The following ERBB3 variants were observed in gnomAD, a reference collection of about 807,000 sequenced individuals.
The protein encoded by ERBB3 is erb-b2 receptor tyrosine kinase 3.
Under a neutral mutation model 156.7 loss-of-function variants are expected in ERBB3, and 96 were observed. That is an observed-to-expected ratio of 0.61 (90% CI 0.52 to 0.73). ERBB3 has a LOEUF of 0.73. Among genes scored for constraint, ERBB3 ranks in the 30% least tolerant of loss-of-function variants. The pLI is 0.00. For missense variants in ERBB3, 1,406 were observed against 1,709.4 expected, an observed-to-expected ratio of 0.82 and a Z score of 3.13; for synonymous variants, 567 against 632.0, an observed-to-expected ratio of 0.90 and a Z score of 1.54.
chr12:56,096,378 C>A, intron 17 of ERBB3, 125 bp from the exon 18 acceptor site: 2 of 1,177,594 alleles, frequency 1.7e-6, no homozygotes, highest in Non-Finnish European at 2.5e-6. Context: ...CATTCCAGGA[C>A]TAACGGTGCT....
chr12:56,100,997 A>T, intron 26 of ERBB3, 64 bp from the exon 27 acceptor site: 28 of 1,105,642 alleles, frequency 2.5e-5, no homozygotes, highest in Non-Finnish European at 3.6e-5. Flanking sequence ...TTCTAAACAA[A>T]TCTCTCTTCT....
At position 56,083,827 on chromosome 12, in the gene ERBB3, C is replaced by T. The variant is rs992281120; in HGVS notation, c.159C>T (p.Tyr53=). The T allele has an allele frequency of 9.9e-6, 16 of 1,613,912 alleles. No individual in the cohort carries two copies. Among genetic ancestry groups the T allele is most frequent in the African/African-American group, 1.3e-5 (1 of 74,882 alleles). The change falls in exon 2 of 28, where the codon TAC becomes TAT. Residue 53 remains tyrosine, a synonymous_variant. Transcript: ENST00000267101. The part of the protein sequence containing the change: ...ENQYQTLYKL[Y]ERCEVVMGNL... Reference sequence around the variant, plus strand: ...AATACCAGACACTGTACAAGCTCTACGAGAGGTGTGAGGTGGTGATGGGGA... The same window carrying T: ...AATACCAGACACTGTACAAGCTCTATGAGAGGTGTGAGGTGGTGATGGGGA...
rs1389860565 is a variant in ERBB3 at position 56,100,197 on chromosome 12, A to G, written c.3153A>G (p.Ser1051=). 4 of 1,613,988 alleles carry G rather than the reference A, an allele frequency of 2.5e-6. No individual in the cohort carries two copies. Among genetic ancestry groups the G allele is most frequent in the Non-Finnish European group, 3.4e-6 (4 of 1,179,980 alleles). ...AGAGCCAGAGCCTTTTAAGTCCATCATCTGGATACATGCCCATGAACCAGG... is the reference window on the plus strand; with the variant it reads ...AGAGCCAGAGCCTTTTAAGTCCATCGTCTGGATACATGCCCATGAACCAGG... ...PRGSQSLLSP[S]SGYMPMNQGN... The change falls in exon 26 of 28, where the codon TCA becomes TCG. Residue 1051 remains serine, a synonymous_variant. Transcript: ENST00000267101.
At chr12:56,086,244 G>A in intron 3 of ERBB3, among the ~76,000 whole-genome samples, 1 of 152,062 alleles carries the variant, frequency 6.6e-6, no homozygotes, top group Non-Finnish European at 1.5e-5. Context: ...CATATGGGCA[G>A]GGCTTGGGGG....
chr12:56,101,230 C>T lies in ERBB3; in HGVS notation c.3371C>T (p.Pro1124Leu). The T allele has an allele frequency of 1.2e-6, 2 of 1,613,888 alleles. No individual in the cohort carries two copies. Among genetic ancestry groups the T allele is most frequent in the Non-Finnish European group, 1.7e-6 (2 of 1,179,940 alleles). ...MCRSRSRSRS[P>L]RPRGDSAYHS... ...AGGAGCCGGAGCAGGAGCCGGAGCC[C>T]ACGGCCACGCGGAGATAGCGCCTAC... The change falls in exon 27 of 28, where the codon CCA becomes CTA. Residue 1124 changes from proline (P) to leucine (L), a missense_variant. Transcript: ENST00000267101.
rs1869147684 is a variant in ERBB3, at chr12:56,102,508, CAG to C, written c.*455_*456del. ...TATGACTCTTAACCCCCTAGAAAGACAGAAGCTTAAAATCTGTGAAGAAAGAG... is the reference window on the plus strand; with the variant it reads ...TATGACTCTTAACCCCCTAGAAAGACAAGCTTAAAATCTGTGAAGAAAGAG... On this transcript the variant is annotated 3_prime_UTR_variant, in exon 28 of 28. Coordinates refer to ENST00000267101, the MANE Select transcript of ERBB3 (RefSeq NM_001982.4). 8.2e-6 allele frequency: 2 copies of C among 244,880 alleles called. No homozygotes were observed. Among genetic ancestry groups the C allele is most frequent in the South Asian group, 1.4e-4 (1 of 7,114 alleles). The allele number at this position is 244,880 out of a possible 1,614,324, so 15.2% of individuals were successfully genotyped here.
intron 9 of ERBB3, among the ~76,000 whole-genome samples, chr12:56,091,509 G>A (rs1295245723): frequency 6.7e-6 from 1 of 148,658 alleles, no homozygotes; most frequent in Non-Finnish European, 1.5e-5. Context: ...TCAGGTTCAA[G>A]CCATTCTCTA....
intron 9 of ERBB3, chr12:56,089,110 C>T (rs1464899190): frequency 1.6e-6 from 1 of 610,534 alleles, no homozygotes; most frequent in Non-Finnish European, 3.1e-6. Flanking sequence ...AACAACATAT[C>T]CTCCTTCTTA....
chr12:56,087,478 C>G, intron 4 of ERBB3, 99 bp from the exon 5 acceptor site: 1 of 1,054,160 alleles, frequency 9.5e-7, no homozygotes, highest in Non-Finnish European at 1.5e-6. Flanking sequence ...TTTTGCTTCC[C>G]GGGATTGAGG....
chr12:56,094,818 G>A (rs1868838413), intron 15 of ERBB3, among the ~76,000 whole-genome samples: 1 of 152,316 alleles, frequency 6.6e-6, no homozygotes, highest in South Asian at 2.1e-4. Context: ...CGGCGTGGTG[G>A]CGCATGCCTG....
intron 16 of ERBB3, 70 bp downstream of exon 16, chr12:56,095,380 A>G: frequency 7.7e-7 from 1 of 1,292,286 alleles, no homozygotes; most frequent in Non-Finnish European, 1.1e-6. Context: ...TTACCTGGAG[A>G]GAAGAGGGAG....
chr12:56,100,989 C>G, intron 26 of ERBB3, 72 bp from the exon 27 acceptor site: 1 of 849,894 alleles, frequency 1.2e-6, no homozygotes, highest in Non-Finnish European at 1.8e-6. Context: ...CAATATCCTT[C>G]TAAACAAATC....
Position 56,099,705 on chromosome 12 carries a change from C to T in ERBB3, c.2897C>T (p.Thr966Ile), listed in dbSNP as rs1361652886. The T allele has an allele frequency of 6.2e-7, 1 of 1,613,996 alleles. No individual in the cohort carries two copies. Among genetic ancestry groups the T allele is most frequent in the Non-Finnish European group, 8.5e-7 (1 of 1,180,020 alleles). ...TTTAAAGAACTAGCCAATGAGTTCA[C>T]CAGGATGGCCCGAGACCCACCACGG... is the stretch of plus-strand genomic sequence containing the variant. ...PTFKELANEF[T>I]RMARDPPRYL... The change falls in exon 24 of 28, where the codon ACC (threonine) becomes ATC (isoleucine). Residue 966 changes from threonine (T) to isoleucine (I), a missense_variant. Coordinates refer to ENST00000267101, the MANE Select transcript of ERBB3 (RefSeq NM_001982.4).
chr12:56,093,616 T>C (rs1454377674), intron 12 of ERBB3, 66 bp downstream of exon 12: 1 of 1,568,164 alleles, frequency 6.4e-7, no homozygotes, highest in African/African-American at 1.4e-5. Context: ...GAAAGGACTA[T>C]TCTGCCCTAG....
In ERBB3 at chr12:56,095,548, T is replaced by C. The variant is rs764804530; in HGVS notation, c.1914-117T>C. 49 of 1,240,348 alleles carry C rather than the reference T, an allele frequency of 4.0e-5. No homozygotes were observed. The Admixed American group carries it at 4.5e-4, about 11-fold the overall frequency. 76.8% of individuals were successfully genotyped at this position (1,240,348 alleles called of 1,614,324 possible). A position where few individuals can be genotyped will look rare whatever the true frequency, so the allele number is the denominator to read the frequency against. ...GGTCCCTTCAGTGCTTAAGGATATATATGTGAATGTTAATTTCTTGCCCCA... is the reference window on the plus strand; with the variant it reads ...GGTCCCTTCAGTGCTTAAGGATATACATGTGAATGTTAATTTCTTGCCCCA... On this transcript the variant is annotated intron_variant, in intron 16 of 27. Coordinates refer to ENST00000267101, the MANE Select transcript of ERBB3 (RefSeq NM_001982.4).
intron 26 of ERBB3, among the ~76,000 whole-genome samples, chr12:56,100,833 G>A (rs905808532): frequency 6.7e-6 from 1 of 150,046 alleles, no homozygotes; most frequent in African/African-American, 2.5e-5. Flanking sequence ...CCAGCTACTC[G>A]GGAGGCTGAG....
intron 9 of ERBB3, among the ~76,000 whole-genome samples, chr12:56,091,625 G>A (rs766512322): frequency 3.3e-5 from 5 of 151,256 alleles, no homozygotes; most frequent in East Asian, 3.9e-4. Context: ...GGCATGCGCC[G>A]CTGCCAGGCT....
chr12:56,090,247 G>T (rs1243221530), intron 9 of ERBB3, among the ~76,000 whole-genome samples: 1 of 149,988 alleles, frequency 6.7e-6, no homozygotes, highest in Non-Finnish European at 1.5e-5. Flanking sequence ...TGATCCACCC[G>T]CCCCAGCTTC....
intron 25 of ERBB3, 30 bp downstream of exon 25, chr12:56,100,059 T>A: frequency 1.2e-6 from 2 of 1,610,648 alleles, no homozygotes; most frequent in Non-Finnish European, 1.7e-6. Context: ...CCCAACACTT[T>A]GCACCCTGAG....
Sources: gnomAD v4.1 joint callset for allele counts (sites outside exome capture counted in the v4.1 genomes callset) on GRCh38, gnomAD v4.1.1 for gene constraint, MANE v1.5 for transcripts, NCBI Gene and HGNC (gene_info 2026-07-23, HGNC 2026-07-21) for gene names.